Variants in NUDCD1 observed in about 807,000 individuals in gnomAD.
The protein encoded by NUDCD1 is NudC domain containing 1, also known as nudC domain-containing protein 1.
NUDCD1 carries 60 observed loss-of-function variants against 67.8 expected under a neutral mutation model. That is an observed-to-expected ratio of 0.88 (90% CI 0.72 to 1.10). NUDCD1 has a LOEUF of 1.10. NUDCD1 is among the 50% of genes least tolerant of loss of function. NUDCD1 has a pLI of 0.00. For missense variants in NUDCD1, 643 were observed against 695.0 expected (o/e 0.93, Z 0.84); for synonymous variants, 244 against 230.8 (o/e 1.06, Z -0.52).
chr8:109,284,333 T>C (rs1293831637), intron 5 of NUDCD1, among the ~76,000 whole-genome samples: 1 of 152,024 alleles, frequency 6.6e-6, no homozygotes, highest in Non-Finnish European at 1.5e-5. Context: ...CACAAGACAA[T>C]AGTGGGGAAC....
intron 8 of NUDCD1, among the ~76,000 whole-genome samples, chr8:109,250,129 G>A (rs1017268157): frequency 5.3e-5 from 8 of 152,124 alleles, no homozygotes; most frequent in African/African-American, 1.9e-4. Flanking sequence ...ACAGGTGTGA[G>A]CCACTGGTGC....
At chr8:109,318,138 G>A (rs1815445546) in intron 2 of NUDCD1, among the ~76,000 whole-genome samples, 1 of 152,128 alleles carries the variant, frequency 6.6e-6, no homozygotes. Context: ...TGTCTTAAAT[G>A]TCTAGTTTCC....
chr8:109,313,928 AAC>A (rs1815324049), intron 2 of NUDCD1: 2 of 497,914 alleles, frequency 4.0e-6, no homozygotes, highest in African/African-American at 4.0e-5. Flanking sequence ...CACAAAAGGA[AAC>A]ACATAGTGGC....
chr8:109,321,317 T>C (rs994640306), intron 2 of NUDCD1, among the ~76,000 whole-genome samples: 1 of 152,130 alleles, frequency 6.6e-6, no homozygotes, highest in African/African-American at 2.4e-5. Context: ...GCTCAAACAA[T>C]GAGAGGGTAA....
At chr8:109,325,183 A>C (rs903214639) in intron 1 of NUDCD1, among the ~76,000 whole-genome samples, 7 of 152,136 alleles carry the variant, frequency 4.6e-5, no homozygotes, top group African/African-American at 1.7e-4. Context: ...AAAGATAGTT[A>C]TCAGAGGCTG....
chr8:109,254,890 T>C (rs1424376012), intron 8 of NUDCD1, among the ~76,000 whole-genome samples: 1 of 152,174 alleles, frequency 6.6e-6, no homozygotes, highest in Non-Finnish European at 1.5e-5. Context: ...TCATATTCTG[T>C]ACACAGAATA....
rs150037698 is a variant in NUDCD1, at chr8:109,326,649, C to A, written c.119-4186G>T. On this transcript the variant is annotated intron_variant, in intron 1 of 9. Coordinates refer to ENST00000239690, the MANE Select transcript of NUDCD1 (RefSeq NM_032869.4). ...GCTGAAAAATCTGATAAGGATTAGT[C>A]TTCTAAAAAGAACTTAGGGCCTCAA... Among the ~76,000 whole-genome samples, 582 of 152,210 alleles carry A rather than the reference C, an allele frequency of 3.8e-3. 10 individuals are homozygous for A. The highest frequency in any genetic ancestry group is 7.7e-3 in the East Asian group (40 of 5,180).
chr8:109,301,936 T>G (rs915573175), intron 2 of NUDCD1, among the ~76,000 whole-genome samples: 11 of 152,166 alleles, frequency 7.2e-5, no homozygotes, highest in African/African-American at 2.4e-4. Flanking sequence ...CCAACATTCC[T>G]TTGGTGGCAA....
At chr8:109,325,988 G>A (rs1172885512) in intron 1 of NUDCD1, among the ~76,000 whole-genome samples, 1 of 152,192 alleles carries the variant, frequency 6.6e-6, no homozygotes, top group Non-Finnish European at 1.5e-5. Context: ...TATTTTATAA[G>A]CAACAGTTAG....
At chr8:109,292,400 T>C (rs1361418448) in intron 4 of NUDCD1, among the ~76,000 whole-genome samples, 3 of 148,560 alleles carry the variant, frequency 2.0e-5, no homozygotes, top group African/African-American at 7.6e-5. Context: ...ATTCAGTTTA[T>C]TTATAAACAA....
At chr8:109,300,357 A>G (rs1435167977) in intron 2 of NUDCD1, among the ~76,000 whole-genome samples, 4 of 152,092 alleles carry the variant, frequency 2.6e-5, no homozygotes. Flanking sequence ...AAAAAATGAT[A>G]CAAGAAGTGA....
intron 7 of NUDCD1, among the ~76,000 whole-genome samples, chr8:109,272,952 A>G (rs1045534814): frequency 4.6e-5 from 7 of 152,326 alleles, no homozygotes; most frequent in Admixed American, 1.3e-4. Flanking sequence ...AGTACCCTAT[A>G]GATTTCTCCT....
intron 8 of NUDCD1, among the ~76,000 whole-genome samples, chr8:109,250,019 T>A (rs1813587349): frequency 6.6e-6 from 1 of 151,902 alleles, no homozygotes; most frequent in African/African-American, 2.4e-5. Flanking sequence ...GGAATTTTTT[T>A]ATTTTTTGTA....
intron 8 of NUDCD1, among the ~76,000 whole-genome samples, chr8:109,267,822 T>C (rs1814038739): frequency 6.6e-6 from 1 of 152,186 alleles, no homozygotes; most frequent in African/African-American, 2.4e-5. Context: ...TAGAACCTGC[T>C]TACCACAGAA....
intron 2 of NUDCD1, among the ~76,000 whole-genome samples, chr8:109,322,067 T>C (rs565468916): frequency 2.0e-5 from 3 of 152,206 alleles, no homozygotes; most frequent in African/African-American, 4.8e-5. Flanking sequence ...ATTAATAATA[T>C]ATAAAATCCA....
At chr8:109,280,524 T>C (rs950635338) in intron 6 of NUDCD1, among the ~76,000 whole-genome samples, 4 of 152,166 alleles carry the variant, frequency 2.6e-5, no homozygotes, top group Admixed American at 1.3e-4. Context: ...ACAACACTGA[T>C]TGTGAGGAGT....
chr8:109,299,622 CAG>C (rs1259615669), intron 2 of NUDCD1, among the ~76,000 whole-genome samples: 2 of 152,142 alleles, frequency 1.3e-5, no homozygotes, highest in East Asian at 3.9e-4. Context: ...AGCCTGAGCT[CAG>C]ACACGCCTAG....
At chr8:109,317,052 A>C (rs1815416560) in intron 2 of NUDCD1, among the ~76,000 whole-genome samples, 1 of 152,242 alleles carries the variant, frequency 6.6e-6, no homozygotes, top group Non-Finnish European at 1.5e-5. Flanking sequence ...CAATAATCTT[A>C]AGAGCATAAC....
chr8:109,321,780 A>G (rs112316952), intron 2 of NUDCD1, among the ~76,000 whole-genome samples: 3,151 of 152,232 alleles, frequency 0.021, 105 homozygotes, highest in African/African-American at 0.072. Flanking sequence ...GAAAAAGCAT[A>G]TAAGAAGAAA....
Sources: allele counts gnomAD v4.1 joint callset (sites outside exome capture counted in the v4.1 genomes callset), GRCh38; gene constraint gnomAD v4.1.1; transcripts MANE v1.5; gene names NCBI Gene and HGNC (gene_info 2026-07-23, HGNC 2026-07-21).